RFX3: variants seen among roughly 807,000 people sequenced by gnomAD.
The protein encoded by RFX3 is transcription factor RFX3.
RFX3 carries 14 observed loss-of-function variants against 98.6 expected under a neutral mutation model. That is an observed-to-expected ratio of 0.14 (90% CI 0.09 to 0.22). The LOEUF (loss-of-function observed/expected upper bound fraction) is 0.22. Ranked by LOEUF, RFX3 falls within the 10% of genes least tolerant of loss-of-function variation. The pLI is 1.00. For synonymous variants in RFX3, 383 were observed against 328.4 expected (o/e 1.17, Z -1.80); for missense variants, 639 against 926.9 (o/e 0.69, Z 4.03).
chr9:3,273,991 G>C (rs1824873014), intron 9 of RFX3, among the ~76,000 whole-genome samples: 1 of 151,982 alleles, frequency 6.6e-6, no homozygotes, highest in Admixed American at 6.6e-5. Flanking sequence ...GATAAATGTA[G>C]AAAGAAATAA....
chr9:3,292,060 T>G (rs1420905915), intron 6 of RFX3, among the ~76,000 whole-genome samples: 2 of 17,728 alleles, frequency 1.1e-4, no homozygotes, highest in African/African-American at 5.2e-4. Flanking sequence ...AGACTCCATC[T>G]CAAAAAAAAA....
chr9:3,243,535 A>C (rs1820236448), intron 15 of RFX3, among the ~76,000 whole-genome samples: 1 of 152,210 alleles, frequency 6.6e-6, no homozygotes, highest in South Asian at 2.1e-4. Flanking sequence ...TCAATTTAAA[A>C]GTAATAGTTT....
chr9:3,433,937 A>G (rs1158036408), intron 1 of RFX3, among the ~76,000 whole-genome samples: 27 of 152,302 alleles, frequency 1.8e-4, no homozygotes, highest in Non-Finnish European at 5.9e-5. Flanking sequence ...CATTATTTAC[A>G]AAAATAGGCA....
chr9:3,301,323 T>C (rs373093104), intron 5 of RFX3, among the ~76,000 whole-genome samples: 37 of 151,994 alleles, frequency 2.4e-4, no homozygotes, highest in African/African-American at 8.7e-4. Flanking sequence ...ATTATATCTG[T>C]ACCCAAAGAG....
intron 1 of RFX3, among the ~76,000 whole-genome samples, chr9:3,481,833 A>C (rs1181788020): frequency 1.3e-5 from 2 of 151,944 alleles, no homozygotes; most frequent in Non-Finnish European, 2.9e-5. Flanking sequence ...GCAAATTCAA[A>C]TAGATTTATT....
At position 3,296,089 on chromosome 9, in the gene RFX3, A is replaced by G. The variant is rs1188786515; in HGVS notation, c.550-2831T>C. ...TCTTGTAGATTAAAATTTTTACTAC[A>G]AAATTTGAAAAAGAAAATCCAATAA... On this transcript the variant is annotated intron_variant, in intron 5 of 16. Coordinates refer to ENST00000617270, the MANE Select transcript of RFX3 (RefSeq NM_001282116.2). Among the ~76,000 whole-genome samples the G allele has an allele frequency of 1.3e-5, 2 of 151,990 alleles. 1 individual carries two copies. Among genetic ancestry groups the G allele is most frequent in the African/African-American group, 4.8e-5 (2 of 41,432 alleles).
chr9:3,523,426 T>C (rs78126971), intron 1 of RFX3, among the ~76,000 whole-genome samples: 3,176 of 152,252 alleles, frequency 0.021, 116 homozygotes, highest in African/African-American at 0.072. Flanking sequence ...GCAGCTCTAA[T>C]AGCAATTTTA....
intron 3 of RFX3, among the ~76,000 whole-genome samples, chr9:3,341,472 G>A (rs1266837242): frequency 6.6e-6 from 1 of 151,962 alleles, no homozygotes; most frequent in Non-Finnish European, 1.5e-5. Flanking sequence ...AAGGGCAATT[G>A]TATTGTAATG....
Position 3,351,519 on chromosome 9 carries a change from C to T in RFX3, c.118-4755G>A, listed in dbSNP as rs551033460. Reference sequence around the variant, plus strand: ...AAAGACAGTTTAGGACAACTAACAACATAAACAAAGTTCAAAATCTAGACA... The same window carrying T: ...AAAGACAGTTTAGGACAACTAACAATATAAACAAAGTTCAAAATCTAGACA... On this transcript the variant is annotated intron_variant, in intron 2 of 16. Transcript: ENST00000617270. 4.6e-5 allele frequency among the ~76,000 whole-genome samples: 7 copies of T among 151,936 alleles called. No individual in the cohort carries two copies. In the South Asian group the frequency reaches 1.2e-3, roughly 27 times the overall value.
intron 1 of RFX3, among the ~76,000 whole-genome samples, chr9:3,464,772 C>A (rs1365733400): frequency 1.3e-5 from 2 of 152,076 alleles, no homozygotes; most frequent in African/African-American, 4.8e-5. Context: ...TAAATTATAT[C>A]CCAATAAAGC....
chr9:3,479,016 T>G (rs1849512128), intron 1 of RFX3, among the ~76,000 whole-genome samples: 1 of 152,178 alleles, frequency 6.6e-6, no homozygotes, highest in Non-Finnish European at 1.5e-5. Flanking sequence ...TTAACTGTGC[T>G]CTGGGGATAG....
chr9:3,438,737 T>C (rs1845375408), intron 1 of RFX3, among the ~76,000 whole-genome samples: 1 of 152,154 alleles, frequency 6.6e-6, no homozygotes. Context: ...AGAGTGGCTA[T>C]ACTGTATCAG....
intron 1 of RFX3, among the ~76,000 whole-genome samples, chr9:3,402,209 T>C (rs1321936107): frequency 6.6e-6 from 1 of 152,138 alleles, no homozygotes; most frequent in Non-Finnish European, 1.5e-5. Context: ...GGGTCTTTCA[T>C]CCTGAAATAA....
At chr9:3,344,203 C>G in intron 3 of RFX3, among the ~76,000 whole-genome samples, 1 of 152,140 alleles carries the variant, frequency 6.6e-6, no homozygotes, top group South Asian at 2.1e-4. Context: ...AACTAATGTT[C>G]ATTGAGTGTG....
intron 13 of RFX3, among the ~76,000 whole-genome samples, chr9:3,260,388 T>C (rs551950515): frequency 7.9e-5 from 12 of 152,134 alleles, no homozygotes; most frequent in African/African-American, 2.2e-4. Flanking sequence ...CCAAGGTTAA[T>C]GCTTATAACC....
chr9:3,301,552 G>A lies in RFX3; in HGVS notation c.543C>T (p.Asn181=). The A allele has an allele frequency of 6.3e-7, 1 of 1,599,064 alleles. No individual in the cohort carries two copies. The highest frequency in any genetic ancestry group is 8.6e-7 in the Non-Finnish European group (1 of 1,169,246). ...TGAAGAAGAGGCAACTTACATGGCT[G>A]TTGAGAAGAGAGCTTCTGTGAGTGG... ...GLSTHRSSLL[N]SHLQWLLDNY... Residue 181 remains asparagine (N), a synonymous_variant, in exon 5 of 17, where the codon AAC becomes AAT. Coordinates refer to ENST00000617270, the MANE Select transcript of RFX3 (RefSeq NM_001282116.2).
intron 15 of RFX3, among the ~76,000 whole-genome samples, chr9:3,240,873 C>T (rs1563785315): frequency 6.6e-6 from 1 of 152,150 alleles, no homozygotes; most frequent in Non-Finnish European, 1.5e-5. Flanking sequence ...GTAGGTGGCA[C>T]CGTCATGCTT....
chr9:3,454,376 T>C (rs954522488), intron 1 of RFX3, among the ~76,000 whole-genome samples: 5 of 152,196 alleles, frequency 3.3e-5, no homozygotes, highest in Admixed American at 6.5e-5. Context: ...AAAAGATATA[T>C]TGAGAATTTT....
intron 3 of RFX3, among the ~76,000 whole-genome samples, chr9:3,341,780 A>G (rs1455546408): frequency 6.6e-6 from 1 of 152,244 alleles, no homozygotes; most frequent in Non-Finnish European, 1.5e-5. Context: ...ACAATTACTG[A>G]AATCTAAATG....
Sources: allele counts gnomAD v4.1 joint callset (sites outside exome capture counted in the v4.1 genomes callset), GRCh38; gene constraint gnomAD v4.1.1; transcripts MANE v1.5; gene names NCBI Gene and HGNC (gene_info 2026-07-23, HGNC 2026-07-21).